Variants in SHISA9 observed in about 807,000 individuals in gnomAD.
SHISA9 encodes protein shisa-9.
Under a neutral mutation model 38.0 loss-of-function variants are expected in SHISA9, and 13 were observed. The ratio of observed to expected loss-of-function variants is 0.34; its 90% confidence interval spans 0.22 to 0.54. SHISA9 has a LOEUF of 0.54. SHISA9 is among the 20% of genes least tolerant of loss of function. The pLI, the probability that SHISA9 is intolerant of heterozygous loss-of-function variation, is 0.91. For missense variants in SHISA9, 538 were observed against 575.8 expected (o/e 0.93, Z 0.67); for synonymous variants, 275 against 242.0 (o/e 1.14, Z -1.27).
intron 4 of SHISA9, among the ~76,000 whole-genome samples, chr16:13,218,587 G>C (rs1050956377): frequency 1.3e-5 from 2 of 152,190 alleles, no homozygotes; most frequent in African/African-American, 4.8e-5. Flanking sequence ...TAATTTGTCA[G>C]CCAAATTATT....
the SHISA9 span, among the ~76,000 whole-genome samples, chr16:13,406,640 C>G: frequency 6.6e-6 from 1 of 152,232 alleles, no homozygotes; most frequent in Non-Finnish European, 1.5e-5. Context: ...GTTGGGAAGG[C>G]TGTCACATAG....
At chr16:13,549,436 A>G in the SHISA9 span, among the ~76,000 whole-genome samples, 1 of 152,240 alleles carries the variant, frequency 6.6e-6, no homozygotes, top group Non-Finnish European at 1.5e-5. Context: ...AAATGTGTAC[A>G]ATTATTATGT....
intron 2 of SHISA9, among the ~76,000 whole-genome samples, chr16:13,042,226 A>G (rs1875383): frequency 0.78 from 118,169 of 152,096 alleles, 46,376 homozygotes; most frequent in African/African-American, 0.89. Flanking sequence ...TACCTCAGCC[A>G]GGAACTGTGT....
chr16:12,975,114 G>A (rs2072139383), intron 2 of SHISA9, among the ~76,000 whole-genome samples: 1 of 152,178 alleles, frequency 6.6e-6, no homozygotes. Context: ...CCCTGCTCTT[G>A]AGGGGCTTTT....
chr16:13,515,715 C>A, the SHISA9 span, among the ~76,000 whole-genome samples: 1 of 151,742 alleles, frequency 6.6e-6, no homozygotes, highest in South Asian at 2.1e-4. Context: ...AATATAGAAA[C>A]ACACCATAAT....
the SHISA9 span, among the ~76,000 whole-genome samples, chr16:13,260,940 T>A: frequency 6.6e-6 from 1 of 152,154 alleles, no homozygotes; most frequent in Non-Finnish European, 1.5e-5. Context: ...GAAAGGCACT[T>A]CTTACATGGT....
At chr16:13,442,573 G>A in the SHISA9 span, among the ~76,000 whole-genome samples, 1 of 152,022 alleles carries the variant, frequency 6.6e-6, no homozygotes, top group African/African-American at 2.4e-5. Context: ...CCAAAGTGCT[G>A]GGATTACAGA....
intron 2 of SHISA9, among the ~76,000 whole-genome samples, chr16:12,982,982 G>T (rs564485435): frequency 3.5e-4 from 53 of 152,320 alleles, no homozygotes; most frequent in Non-Finnish European, 6.9e-4. Flanking sequence ...GGCTATTTGA[G>T]AATTTGAACC....
At chr16:13,341,296 C>T in the SHISA9 span, among the ~76,000 whole-genome samples, 35 of 152,134 alleles carry the variant, frequency 2.3e-4, no homozygotes, top group African/African-American at 7.5e-4. Flanking sequence ...TTAAAGTATG[C>T]TTTTTTCTTC....
At chr16:13,326,586 T>G in the SHISA9 span, among the ~76,000 whole-genome samples, 2 of 152,304 alleles carry the variant, frequency 1.3e-5, no homozygotes, top group East Asian at 3.9e-4. Flanking sequence ...CTGGGCGTAG[T>G]GTCGCATGCC....
At chr16:13,145,152 G>A (rs1032330602) in intron 2 of SHISA9, among the ~76,000 whole-genome samples, 4 of 152,172 alleles carry the variant, frequency 2.6e-5, no homozygotes, top group East Asian at 1.9e-4. Context: ...AGCATCTCCC[G>A]AAACGACAGG....
chr16:13,219,766 G>C (rs1460572785), intron 4 of SHISA9, among the ~76,000 whole-genome samples: 1 of 152,116 alleles, frequency 6.6e-6, no homozygotes, highest in Non-Finnish European at 1.5e-5. Flanking sequence ...AGACCAACCT[G>C]GCCAACAGAG....
chr16:13,530,303 AAAAT>A, the SHISA9 span, among the ~76,000 whole-genome samples: 3 of 152,222 alleles, frequency 2.0e-5, no homozygotes, highest in Non-Finnish European at 4.4e-5. Flanking sequence ...TCCGTCTCAA[AAAAT>A]AAATAAAAAT....
the SHISA9 span, among the ~76,000 whole-genome samples, chr16:13,322,893 A>G: frequency 1.3e-5 from 2 of 152,158 alleles, no homozygotes; most frequent in Non-Finnish European, 2.9e-5. Context: ...CACCCAATAA[A>G]ATCTAAGAGG....
intron 2 of SHISA9, among the ~76,000 whole-genome samples, chr16:12,998,686 A>G (rs1471676791): frequency 2.0e-5 from 3 of 152,144 alleles, no homozygotes; most frequent in Non-Finnish European, 4.4e-5. Context: ...ATGGGCCCCC[A>G]TGCTTGACTA....
chr16:13,028,921 GA>G (rs1235386923), intron 2 of SHISA9, among the ~76,000 whole-genome samples: 8 of 152,250 alleles, frequency 5.3e-5, no homozygotes, highest in African/African-American at 1.9e-4. Flanking sequence ...GTGAGTGGGG[GA>G]CGAGTCCTTC....
chr16:13,367,150 C>T, the SHISA9 span, among the ~76,000 whole-genome samples: 1 of 151,650 alleles, frequency 6.6e-6, no homozygotes, highest in African/African-American at 2.4e-5. Context: ...ATTAAACCAA[C>T]TACAGTACTA....
intron 4 of SHISA9, among the ~76,000 whole-genome samples, chr16:13,216,999 C>T (rs964527736): frequency 4.6e-5 from 7 of 151,866 alleles, no homozygotes; most frequent in Admixed American, 2.0e-4. Context: ...GGGCTGGGCG[C>T]GGTGGCTCAC....
At chr16:13,037,760 T>C (rs1250079480) in intron 2 of SHISA9, among the ~76,000 whole-genome samples, 1 of 152,148 alleles carries the variant, frequency 6.6e-6, no homozygotes, top group Non-Finnish European at 1.5e-5. Context: ...GTTATAGACA[T>C]GTATATCTGA....
Sources: allele counts gnomAD v4.1 joint callset (sites outside exome capture counted in the v4.1 genomes callset), GRCh38; gene constraint gnomAD v4.1.1; transcripts MANE v1.5; gene names NCBI Gene and HGNC (gene_info 2026-07-23, HGNC 2026-07-21).